AFAP1: variants seen among roughly 807,000 people sequenced by gnomAD.
AFAP1 encodes actin filament associated protein 1.
In AFAP1, 75 loss-of-function variants were observed where a neutral mutation model predicts 93.9. That is an observed-to-expected ratio of 0.80 (90% CI 0.66 to 0.97). The LOEUF is 0.97. Ranked by LOEUF, AFAP1 falls within the 50% of genes least tolerant of loss-of-function variation. The pLI, the probability that AFAP1 is intolerant of heterozygous loss-of-function variation, is 0.00. For missense variants in AFAP1, 1,201 were observed against 1,050.8 expected (o/e 1.14, Z -1.98); for synonymous variants, 517 against 430.7 (o/e 1.20, Z -2.48).
intron 2 of AFAP1, among the ~76,000 whole-genome samples, chr4:7,869,231 A>AGGGGAAG (rs1484472388): frequency 6.7e-6 from 1 of 149,122 alleles, no homozygotes. Context: ...GGAAGGAGGA[A>AGGGGAAG]GGGGAAGGAG....
At chr4:7,871,137 G>A (rs1716998217) in intron 2 of AFAP1, among the ~76,000 whole-genome samples, 1 of 152,136 alleles carries the variant, frequency 6.6e-6, no homozygotes, top group South Asian at 2.1e-4. Context: ...GCAGCACTTA[G>A]CAGGCTTTCT....
At chr4:7,882,393 A>C (rs1717902159) in intron 1 of AFAP1, among the ~76,000 whole-genome samples, 1 of 116,768 alleles carries the variant, frequency 8.6e-6, no homozygotes, top group South Asian at 2.5e-4. Flanking sequence ...ACATAACCAA[A>C]TTCTTTTTTT....
chr4:7,922,183 C>G (rs1720475103), intron 1 of AFAP1, among the ~76,000 whole-genome samples: 1 of 152,172 alleles, frequency 6.6e-6, no homozygotes, highest in South Asian at 2.1e-4. Flanking sequence ...CTTTCACTCT[C>G]CAGGACCTTT....
At chr4:7,902,058 CT>C (rs1719143633) in intron 1 of AFAP1, among the ~76,000 whole-genome samples, 1 of 152,206 alleles carries the variant, frequency 6.6e-6, no homozygotes, top group Admixed American at 6.5e-5. Context: ...TTTGATAGCT[CT>C]GCTTTCGAAC....
At chr4:7,924,366 G>C (rs1290351702) in intron 1 of AFAP1, among the ~76,000 whole-genome samples, 1 of 152,216 alleles carries the variant, frequency 6.6e-6, no homozygotes, top group Non-Finnish European at 1.5e-5. Flanking sequence ...ATGCACAAAA[G>C]ACAAGATGTA....
rs796972402 is a variant in AFAP1 at position 7,863,432 on chromosome 4, CGAAAGAAA to C, written c.225+5182_225+5189del. ...AGACTGCCAAGAAAGAACGAAAGAA[CGAAAGAAA>C]GAAAGAAGGAAAGAAAATAAAAGCA... On this transcript the variant is annotated intron_variant, in intron 3 of 17. Transcript: ENST00000420658. Among the ~76,000 whole-genome samples the C allele has an allele frequency of 8.4e-4, 128 of 151,898 alleles. 1 individual carries two copies. The highest frequency in any genetic ancestry group is 2.9e-3 in the African/African-American group (121 of 41,426).
chr4:7,759,526 T>A lies in AFAP1; in HGVS notation c.*4239A>T, dbSNP rs1713482860. On this transcript the variant is annotated 3_prime_UTR_variant, in exon 18 of 18. Coordinates refer to ENST00000420658, the MANE Select transcript of AFAP1 (RefSeq NM_001134647.2). ...TTTCATTTTAGTTTATTTCACAGTA[T>A]GAACCCAGCCCACCAAGGGGATAAG... The A allele has an allele frequency of 6.6e-6, 1 of 152,640 alleles. No homozygotes were observed. The highest frequency in any genetic ancestry group is 2.4e-5 in the African/African-American group (1 of 41,456). 9.5% of individuals were successfully genotyped at this position (152,640 alleles called of 1,614,324 possible).
chr4:7,927,280 T>C (rs1161948322), intron 1 of AFAP1, among the ~76,000 whole-genome samples: 1 of 152,160 alleles, frequency 6.6e-6, no homozygotes, highest in East Asian at 1.9e-4. Flanking sequence ...GTGCCATCTA[T>C]GATAACAGCT....
At chr4:7,875,324 G>GCC (rs1296350198) in intron 1 of AFAP1, among the ~76,000 whole-genome samples, 143 of 152,322 alleles carry the variant, frequency 9.4e-4, no homozygotes, top group African/African-American at 3.4e-3. Flanking sequence ...TAAGTAGGTG[G>GCC]ATGTGGCACC....
At chr4:7,880,602 G>A (rs555655773) in intron 1 of AFAP1, among the ~76,000 whole-genome samples, 1 of 152,304 alleles carries the variant, frequency 6.6e-6, no homozygotes, top group South Asian at 2.1e-4. Context: ...TCACAAGTGT[G>A]GTAACTGAGG....
At chr4:7,799,496 G>A (rs377021711) in intron 10 of AFAP1, among the ~76,000 whole-genome samples, 3 of 152,168 alleles carry the variant, frequency 2.0e-5, no homozygotes, top group Non-Finnish European at 4.4e-5. Context: ...ATGTAGAGCC[G>A]GCTCCCACAC....
chr4:7,899,423 C>T (rs1217615416), intron 1 of AFAP1, among the ~76,000 whole-genome samples: 1 of 152,180 alleles, frequency 6.6e-6, no homozygotes, highest in Admixed American at 6.5e-5. Context: ...AATAATACAA[C>T]ATGCACTGGT....
At chr4:7,771,454 G>T (rs1715429529) in intron 16 of AFAP1, among the ~76,000 whole-genome samples, 1 of 152,124 alleles carries the variant, frequency 6.6e-6, no homozygotes, top group African/African-American at 2.4e-5. Context: ...ATGATTTTAT[G>T]TAATATATAA....
intron 3 of AFAP1, 24 bp from the exon 4 acceptor site, chr4:7,855,598 A>G (rs761914269): frequency 6.5e-7 from 1 of 1,549,904 alleles, no homozygotes; most frequent in Non-Finnish European, 8.9e-7. Flanking sequence ...GAAAAGTGAC[A>G]CAGAAATTAG....
At chr4:7,869,852 AC>A (rs1716869897) in intron 2 of AFAP1, among the ~76,000 whole-genome samples, 2 of 152,048 alleles carry the variant, frequency 1.3e-5, no homozygotes, top group Admixed American at 6.6e-5. Context: ...TAAATGACAC[AC>A]ACACACACAC....
In AFAP1 at chr4:7,934,335, G is replaced by GT. The variant is rs1188929372; in HGVS notation, c.-3+5320dup. Among the ~76,000 whole-genome samples, 4 of 152,188 alleles carry GT rather than the reference G, an allele frequency of 2.6e-5. No individual in the cohort carries two copies. In the East Asian group the frequency reaches 7.7e-4, roughly 29 times the overall value. Reference sequence around the variant, plus strand: ...CTGCACTGAAATGATGTCCAGGTCGGTTTTTCCCACTGGACCACGAACTCC... The same window carrying GT: ...CTGCACTGAAATGATGTCCAGGTCGGTTTTTTCCCACTGGACCACGAACTCC... On this transcript the variant is annotated intron_variant, in intron 1 of 17. Transcript: ENST00000420658.
In AFAP1 at chr4:7,937,232, G is replaced by C. The variant is rs1411893739; in HGVS notation, c.-3+2424C>G. On this transcript the variant is annotated intron_variant, in intron 1 of 17. Transcript: ENST00000420658. ...AGTATATACACATGTAACTCAACTT[G>C]TTTAAAAGGAAAAAAAGGGGAAGAA... Among the ~76,000 whole-genome samples the C allele has an allele frequency of 3.3e-5, 5 of 152,126 alleles. No individual in the cohort carries two copies. In the East Asian group the frequency reaches 9.6e-4, roughly 29 times the overall value.
chr4:7,907,281 C>T (rs1174393317), intron 1 of AFAP1, among the ~76,000 whole-genome samples: 1 of 152,140 alleles, frequency 6.6e-6, no homozygotes, highest in Non-Finnish European at 1.5e-5. Context: ...CTGCTTCTCC[C>T]TGGGCTCACT....
intron 9 of AFAP1, among the ~76,000 whole-genome samples, chr4:7,802,991 T>C (rs1719194626): frequency 6.6e-6 from 1 of 152,226 alleles, no homozygotes; most frequent in South Asian, 2.1e-4. Flanking sequence ...TCAACTATCA[T>C]ATCTGAGCAC....
Sources: gnomAD v4.1 joint callset for allele counts (sites outside exome capture counted in the v4.1 genomes callset) on GRCh38, gnomAD v4.1.1 for gene constraint, MANE v1.5 for transcripts, NCBI Gene and HGNC (gene_info 2026-07-23, HGNC 2026-07-21) for gene names.